The following UTS2 variants were observed in gnomAD, a reference collection of about 807,000 sequenced individuals.
The protein encoded by UTS2 is urotensin 2.
Under a neutral mutation model 12.6 loss-of-function variants are expected in UTS2, and 10 were observed. That is an observed-to-expected ratio of 0.80 (90% CI 0.49 to 1.35). The LOEUF (loss-of-function observed/expected upper bound fraction) is 1.35, where lower values mean the gene tolerates loss of function less well. UTS2 is among the 40% of genes most tolerant of loss of function. The pLI is 0.00. For missense variants in UTS2, 142 were observed against 143.2 expected (o/e 0.99, Z 0.04); for synonymous variants, 52 against 50.0 (o/e 1.04, Z -0.17).
chr1:7,884,002 C>G, the UTS2 span, among the ~76,000 whole-genome samples: 1 of 151,688 alleles, frequency 6.6e-6, no homozygotes, highest in Non-Finnish European at 1.5e-5. Flanking sequence ...TTAGTAGAGA[C>G]GGGGTTTCTC....
the UTS2 span, among the ~76,000 whole-genome samples, chr1:7,886,415 C>A: frequency 1.3e-5 from 2 of 152,226 alleles, no homozygotes; most frequent in Non-Finnish European, 2.9e-5. Flanking sequence ...TAACCCACAT[C>A]TGTAACTGTA....
the UTS2 span, among the ~76,000 whole-genome samples, chr1:7,878,394 A>C: frequency 6.6e-6 from 1 of 152,224 alleles, no homozygotes; most frequent in Non-Finnish European, 1.5e-5. Context: ...AAGTACTCAA[A>C]TGTTACCACT....
chr1:7,885,158 C>CCATCCATT, the UTS2 span, among the ~76,000 whole-genome samples: 2 of 152,154 alleles, frequency 1.3e-5, no homozygotes, highest in African/African-American at 4.8e-5. Flanking sequence ...ATCCATCCAT[C>CCATCCATT]CATCCACAAC....
chr1:7,906,449 G>A, the UTS2 span, among the ~76,000 whole-genome samples: 1 of 73,226 alleles, frequency 1.4e-5, no homozygotes, highest in Non-Finnish European at 2.6e-5. Context: ...GAAAGAAAAA[G>A]AGAAAGAAAG....
At chr1:7,849,317 C>T (rs1307190646) in intron 3 of UTS2, among the ~76,000 whole-genome samples, 2 of 152,048 alleles carry the variant, frequency 1.3e-5, no homozygotes, top group African/African-American at 2.4e-5. Flanking sequence ...CGGGTTCAAG[C>T]GATTCTCCTG....
chr1:7,887,764 A>AG, the UTS2 span, among the ~76,000 whole-genome samples: 1 of 79,338 alleles, frequency 1.3e-5, no homozygotes, highest in East Asian at 2.2e-4. Flanking sequence ...TCTAAAAGGA[A>AG]AAAAAAAAAA....
chr1:7,907,884 G>A, the UTS2 span, among the ~76,000 whole-genome samples: 4 of 151,894 alleles, frequency 2.6e-5, no homozygotes, highest in African/African-American at 9.7e-5. Flanking sequence ...CTAGTAGGCT[G>A]GGCACGGTGG....
At chr1:7,854,854 C>CAATAATAAT (rs140765929), upstream of UTS2, among the ~76,000 whole-genome samples, 1 of 151,404 alleles carries the variant, frequency 6.6e-6, no homozygotes, top group African/African-American at 2.4e-5. Context: ...AAACTAATAA[C>CAATAATAAT]AATAATAATA....
intron 1 of UTS2, 85 bp downstream of exon 1, chr1:7,852,816 G>T (rs1390601729): frequency 1.7e-5 from 24 of 1,445,828 alleles, no homozygotes; most frequent in African/African-American, 1.3e-4. Context: ...CTTCGAGCAG[G>T]AATCCCATTC....
the UTS2 span, among the ~76,000 whole-genome samples, chr1:7,879,362 G>C: frequency 6.6e-6 from 1 of 152,088 alleles, no homozygotes; most frequent in African/African-American, 2.4e-5. Flanking sequence ...GAGAAACTTT[G>C]GAAACTACAC....
rs751867528 is a variant in UTS2, at chr1:7,849,725, T to A, written c.215-42A>T. 6 of 1,543,836 alleles carry A rather than the reference T, an allele frequency of 3.9e-6. No homozygotes were observed. The Admixed American group carries it at 1.2e-4, about 31-fold the overall frequency. ...AAGCCAGTTCATCAGATCTGTTGTT[T>A]CTCTTGTATGCTTGTTTTAAAATAT... On this transcript the variant is annotated intron_variant, in intron 2 of 3. Transcript: ENST00000361696.
chr1:7,856,628 A>C (rs1273691464), upstream of UTS2, among the ~76,000 whole-genome samples: 1 of 38,018 alleles, frequency 2.6e-5, no homozygotes, highest in East Asian at 3.1e-4. Context: ...GTGCTCGCAC[A>C]CTGTCCTCTA....
chr1:7,875,529 T>A, the UTS2 span, among the ~76,000 whole-genome samples: 1 of 152,026 alleles, frequency 6.6e-6, no homozygotes, highest in Non-Finnish European at 1.5e-5. Flanking sequence ...CCACATGTCA[T>A]CCAGGGGCTG....
the UTS2 span, among the ~76,000 whole-genome samples, chr1:7,862,754 G>A: frequency 3.9e-5 from 6 of 152,034 alleles, no homozygotes; most frequent in African/African-American, 1.4e-4. Context: ...ATTCATCGGG[G>A]TCCACCCCCG....
At chr1:7,875,128 G>A in the UTS2 span, among the ~76,000 whole-genome samples, 11 of 150,962 alleles carry the variant, frequency 7.3e-5, no homozygotes, top group Non-Finnish European at 1.2e-4. Flanking sequence ...AGGCTGGAGT[G>A]CAGTGGCGCG....
At chr1:7,906,614 T>G in the UTS2 span, among the ~76,000 whole-genome samples, 3 of 152,110 alleles carry the variant, frequency 2.0e-5, no homozygotes, top group Non-Finnish European at 4.4e-5. Context: ...ACAGAAACTC[T>G]TCAAACTTCC....
chr1:7,850,570 G>A (rs1010597672), intron 2 of UTS2, among the ~76,000 whole-genome samples: 1 of 152,064 alleles, frequency 6.6e-6, no homozygotes, highest in African/African-American at 2.4e-5. Flanking sequence ...GCTCTACCCC[G>A]CAAAAATAAA....
the UTS2 span, among the ~76,000 whole-genome samples, chr1:7,864,335 G>A: frequency 0.2 from 30,878 of 151,816 alleles, 3,331 homozygotes; most frequent in Non-Finnish European, 0.22. Context: ...CCGGACTAAA[G>A]AAGCAGCCTC....
the UTS2 span, among the ~76,000 whole-genome samples, chr1:7,886,984 TG>T: frequency 8.0e-6 from 1 of 125,576 alleles, no homozygotes; most frequent in Non-Finnish European, 1.5e-5. Context: ...GAGGTTGCAG[TG>T]AGCCAAGATC....
Sources: allele counts gnomAD v4.1 joint callset (sites outside exome capture counted in the v4.1 genomes callset), GRCh38; gene constraint gnomAD v4.1.1; transcripts MANE v1.5; gene names NCBI Gene and HGNC (gene_info 2026-07-23, HGNC 2026-07-21).